The following FMR1 variants were observed in gnomAD, a reference collection of about 807,000 sequenced individuals.
FMR1 encodes the protein fragile X messenger ribonucleoprotein 1.
FMR1 carries 13 observed loss-of-function variants against 50.6 expected under a neutral mutation model. That is an observed-to-expected ratio of 0.26 (90% confidence interval 0.17 to 0.41). The LOEUF (loss-of-function observed/expected upper bound fraction) is 0.41. FMR1 is among the 10% of genes least tolerant of loss of function. The pLI is 1.00. For missense variants in FMR1, 316 were observed against 491.3 expected (o/e 0.64, Z 3.37); for synonymous variants, 138 against 164.1 (o/e 0.84, Z 1.22).
intron 1 of FMR1, among the ~76,000 whole-genome samples, chrX:147,914,885 T>C (rs1046465960): frequency 2.7e-5 from 3 of 112,089 alleles, no homozygotes; most frequent in African/African-American, 9.7e-5. Context: ...ACTAGAAGTT[T>C]TGATGTGTTG....
intron 11 of FMR1, among the ~76,000 whole-genome samples, chrX:147,937,898 A>G (rs1557179984): frequency 8.9e-6 from 1 of 112,038 alleles, no homozygotes; most frequent in East Asian, 2.8e-4. Context: ...TAAATTTTGC[A>G]GGTATCGTAG....
In FMR1 at chrX:147,950,525, C is replaced by T. The variant is rs1482969868; in HGVS notation, c.*1681C>T. 1 of 327,851 alleles carries T rather than the reference C, an allele frequency of 3.1e-6. No homozygotes were observed. The highest frequency in any genetic ancestry group is 5.9e-6 in the Non-Finnish European group (1 of 169,657). The allele number at this position is 327,851 out of a possible 1,213,427, so 27.0% of individuals were successfully genotyped here. On this transcript the variant is annotated 3_prime_UTR_variant, in exon 17 of 17. Transcript: ENST00000370475. ...AATGTAACTGCTCTTGGGCAATATT[C>T]TCTGTACATATTAGCGACAACAGAT...
chrX:147,924,100 T>G (rs1211038646), intron 2 of FMR1, among the ~76,000 whole-genome samples: 2 of 111,353 alleles, frequency 1.8e-5, no homozygotes, highest in African/African-American at 3.3e-5. Context: ...AAAATCATTA[T>G]TTTTTCCTTG....
chrX:147,938,235 A>G (rs1557180045), intron 12 of FMR1, 74 bp downstream of exon 12: 1 of 863,058 alleles, frequency 1.2e-6, no homozygotes, highest in East Asian at 3.1e-5. Flanking sequence ...AACAAAGATT[A>G]CAAATGATCC....
intron 7 of FMR1, among the ~76,000 whole-genome samples, chrX:147,930,490 T>A (rs1468330188): frequency 1.8e-5 from 2 of 112,161 alleles, no homozygotes; most frequent in Non-Finnish European, 3.8e-5. Flanking sequence ...TAGAAGTTTA[T>A]CAAAGTTGCT....
intron 3 of FMR1, among the ~76,000 whole-genome samples, chrX:147,926,425 G>A (rs782027103): frequency 4.5e-5 from 5 of 111,554 alleles, no homozygotes; most frequent in Non-Finnish European, 7.5e-5. Flanking sequence ...GAAGGATGTC[G>A]CTAAGTAGAC....
Position 147,950,201 on chromosome X carries a change from G to A in FMR1, c.*1357G>A, listed in dbSNP as rs1262286390. 9.2e-6 allele frequency: 3 copies of A among 326,399 alleles called. No individual in the cohort carries two copies. The highest frequency in any genetic ancestry group is 5.4e-5 in the African/African-American group (2 of 37,137). 26.9% of individuals were successfully genotyped at this position (326,399 alleles called of 1,213,427 possible). ...GGTACCACTGAATCTGTACAGAGCCGTAAAAACTGAAGTTCTGCCTCTGAT... is the reference window on the plus strand; with the variant it reads ...GGTACCACTGAATCTGTACAGAGCCATAAAAACTGAAGTTCTGCCTCTGAT... On this transcript the variant is annotated 3_prime_UTR_variant, in exon 17 of 17. Coordinates refer to ENST00000370475, the MANE Select transcript of FMR1 (RefSeq NM_002024.6).
intron 16 of FMR1, chrX:147,947,674 C>T (rs2044224763): frequency 9.3e-6 from 1 of 107,613 alleles, no homozygotes; most frequent in Non-Finnish European, 1.9e-5. Flanking sequence ...CGCGCCACTG[C>T]ACTCCAGCCT....
At chrX:147,943,432 G>A (rs1557181324) in intron 14 of FMR1, 106 bp downstream of exon 14, 1 of 727,630 alleles carries the variant, frequency 1.4e-6, no homozygotes, top group African/African-American at 2.1e-5. Context: ...CCGCTACATG[G>A]TTTCCAATTC....
chrX:147,934,286 G>A (rs1161738013), intron 9 of FMR1, among the ~76,000 whole-genome samples: 1 of 110,266 alleles, frequency 9.1e-6, no homozygotes, highest in African/African-American at 3.3e-5. Flanking sequence ...CATGATGGTA[G>A]TGGGGAAAGT....
At position 147,912,162 on chromosome X, in the gene FMR1, A is replaced by C; in HGVS notation, c.-18A>C. 1 of 1,107,862 alleles carries C rather than the reference A, an allele frequency of 9.0e-7. No homozygotes were observed. Among genetic ancestry groups the C allele is most frequent in the Non-Finnish European group, 1.2e-6 (1 of 843,173 alleles). The allele number at this position is 1,107,862 out of a possible 1,213,427, so 91.3% of individuals were successfully genotyped here. ...CTCTCGGGGGCGGGCTCCCGGCGCT[A>C]GCAGGGCTGAAGAGAAGATGGAGGA... On this transcript the variant is annotated 5_prime_UTR_variant, in exon 1 of 17. Transcript: ENST00000370475.
At chrX:147,915,295 TGTA>T (rs1347726072) in intron 1 of FMR1, among the ~76,000 whole-genome samples, 6 of 112,014 alleles carry the variant, frequency 5.4e-5, no homozygotes, top group East Asian at 5.5e-4. Context: ...ATAGCTGAAA[TGTA>T]GTAAAATCAG....
chrX:147,937,368 A>AT (rs1466916984), intron 10 of FMR1, 98 bp from the exon 11 acceptor site: 2 of 574,088 alleles, frequency 3.5e-6, no homozygotes, highest in Non-Finnish European at 6.0e-6. Flanking sequence ...AATAACTTAC[A>AT]TTTTTTAAAA....
chrX:147,922,085 T>C, intron 2 of FMR1, 100 bp downstream of exon 2: 1 of 529,787 alleles, frequency 1.9e-6, no homozygotes, highest in Non-Finnish European at 3.3e-6. Flanking sequence ...TTTGAGTGCT[T>C]TTCAGGAATG....
At chrX:147,930,393 A>C (rs1221156568) in intron 7 of FMR1, 149 bp downstream of exon 7, 9 of 492,016 alleles carry the variant, frequency 1.8e-5, no homozygotes, top group Non-Finnish European at 3.2e-5. Context: ...TACAAAGCAT[A>C]ATCATACTAA....
intron 11 of FMR1, 113 bp from the exon 12 acceptor site, chrX:147,937,986 T>C (rs1196552532): frequency 3.3e-6 from 2 of 604,936 alleles, no homozygotes; most frequent in African/African-American, 4.4e-5. Context: ...CTGTTTGAAC[T>C]AATCTGTTTA....
intron 2 of FMR1, among the ~76,000 whole-genome samples, chrX:147,924,134 A>G (rs913882929): frequency 7.2e-5 from 8 of 111,310 alleles, no homozygotes; most frequent in African/African-American, 2.6e-4. Flanking sequence ...ATATATTATT[A>G]TATGCTTTAA....
At position 147,929,668 on chromosome X, in the gene FMR1, G is replaced by A. The variant is rs781838130; in HGVS notation, c.420-280G>A. ...ACCCTGTAGGTAGCTATCTCCAAAA[G>A]TTTTCAATAGTTGACTTAAGAAAAC... On this transcript the variant is annotated intron_variant, in intron 5 of 16. Transcript: ENST00000370475. Among the ~76,000 whole-genome samples, 49 of 111,166 alleles carry A rather than the reference G, an allele frequency of 4.4e-4. 1 individual carries two copies. In the East Asian group the frequency reaches 0.013, roughly 29 times the overall value.
chrX:147,944,603 T>G, intron 14 of FMR1: 1 of 974,899 alleles, frequency 1.0e-6, no homozygotes, highest in East Asian at 4.6e-5. Context: ...CACATCAAGG[T>G]TTGAACTTAG....
Sources: gnomAD v4.1 joint callset for allele counts (sites outside exome capture counted in the v4.1 genomes callset) on GRCh38, gnomAD v4.1.1 for gene constraint, MANE v1.5 for transcripts, NCBI Gene and HGNC (gene_info 2026-07-23, HGNC 2026-07-21) for gene names.